Variants in TTLL9 observed in about 807,000 individuals in gnomAD.
The protein encoded by TTLL9 is probable tubulin polyglutamylase TTLL9.
TTLL9 carries 47 observed loss-of-function variants against 65.6 expected under a neutral mutation model. The ratio of observed to expected loss-of-function variants is 0.72; its 90% CI spans 0.57 to 0.91. The LOEUF is 0.91. Among genes scored for constraint, TTLL9 ranks in the 40% least tolerant of loss-of-function variants. The probability of loss-of-function intolerance (pLI) is 0.00; values close to 1 mark genes in which losing one functional copy is unlikely to be tolerated. For synonymous variants in TTLL9, 179 were observed against 204.8 expected (o/e 0.87, Z 1.07); for missense variants, 537 against 568.8 (o/e 0.94, Z 0.57).
At chr20:31,871,326 G>C in intron 2 of TTLL9, 131 bp downstream of exon 2, 1 of 889,556 alleles carries the variant, frequency 1.1e-6, no homozygotes, top group Non-Finnish European at 1.8e-6. Context: ...GTTCACCTCT[G>C]ACCTGCTAGA....
At chr20:31,920,056 C>T (rs1018050510) in intron 7 of TTLL9, 124 bp downstream of exon 7, 9 of 846,302 alleles carry the variant, frequency 1.1e-5, no homozygotes, top group African/African-American at 5.3e-5. Context: ...CAGGTCTGCC[C>T]ATTGGAGCAG....
intron 2 of TTLL9, among the ~76,000 whole-genome samples, chr20:31,884,837 C>A (rs1053100929): frequency 6.6e-6 from 1 of 152,244 alleles, no homozygotes; most frequent in Non-Finnish European, 1.5e-5. Context: ...TTAATTCCAT[C>A]TGCAATTTTA....
At chr20:31,884,068 A>G (rs1204871423) in intron 2 of TTLL9, 7 of 559,138 alleles carry the variant, frequency 1.3e-5, no homozygotes, top group Non-Finnish European at 2.3e-5. Flanking sequence ...ACAAACTACC[A>G]GAACTAATCA....
chr20:31,880,872 TGAGACA>T, intron 2 of TTLL9, among the ~76,000 whole-genome samples: 1 of 149,252 alleles, frequency 6.7e-6, no homozygotes, highest in African/African-American at 2.5e-5. Context: ...TTTTTTTTTT[TGAGACA>T]AGGTCTTACT....
At position 31,943,550 on chromosome 20, in the gene TTLL9, T is replaced by C. The variant is rs2064258419; in HGVS notation, c.*529T>C. On this transcript the variant is annotated 3_prime_UTR_variant, in exon 15 of 15. Coordinates refer to ENST00000535842, the MANE Select transcript of TTLL9 (RefSeq NM_001008409.5). ...AGCAGTTATTAGATTGTGTGTTTAT[T>C]GGGGGCCTGGGGAAGTACTGAGCCC... 1 of 344,588 alleles carries C rather than the reference T, an allele frequency of 2.9e-6. No homozygotes were observed. Among genetic ancestry groups the C allele is most frequent in the African/African-American group, 2.1e-5 (1 of 46,604 alleles). The allele number at this position is 344,588 out of a possible 1,614,324, so 21.3% of individuals were successfully genotyped here. A position where few individuals can be genotyped will look rare whatever the true frequency, so the allele number is the denominator to read the frequency against.
At chr20:31,882,082 T>C (rs2063125788) in intron 2 of TTLL9, among the ~76,000 whole-genome samples, 1 of 152,212 alleles carries the variant, frequency 6.6e-6, no homozygotes. Flanking sequence ...GGAACGTTCA[T>C]GTCAGCCTTA....
chr20:31,887,846 A>G (rs1232146772), intron 3 of TTLL9, among the ~76,000 whole-genome samples: 3 of 49,658 alleles, frequency 6.0e-5, no homozygotes, highest in Admixed American at 1.9e-4. Context: ...TTCATTAGAT[A>G]TCTCCTCTCC....
At chr20:31,896,606 T>C (rs1415632104) in intron 3 of TTLL9, among the ~76,000 whole-genome samples, 1 of 152,088 alleles carries the variant, frequency 6.6e-6, no homozygotes, top group Non-Finnish European at 1.5e-5. Flanking sequence ...CTCGGCTCAC[T>C]GCAACCTCTG....
At chr20:31,939,079 C>T (rs544340327) in intron 13 of TTLL9, 63 bp from the exon 14 acceptor site, 37 of 1,488,950 alleles carry the variant, frequency 2.5e-5, no homozygotes, top group Non-Finnish European at 3.1e-5. Context: ...AGGGACCTCA[C>T]TTGGGTCTTA....
intron 12 of TTLL9, among the ~76,000 whole-genome samples, chr20:31,937,120 G>A (rs2064124310): frequency 6.9e-6 from 1 of 144,908 alleles, no homozygotes; most frequent in African/African-American, 2.6e-5. Context: ...AAAAAAAAGT[G>A]GGAGGGGCCT....
Position 31,881,602 on chromosome 20 carries a change from C to CTTT in TTLL9, c.70-5576_70-5574dup, listed in dbSNP as rs5841092. Among the ~76,000 whole-genome samples, 400 of 125,216 alleles carry CTTT rather than the reference C, an allele frequency of 3.2e-3. 11 individuals are homozygous for CTTT. Among genetic ancestry groups the CTTT allele is most frequent in the Middle Eastern group, 9.0e-3 (2 of 222 alleles). 82.1% of individuals were successfully genotyped at this position (125,216 alleles called of 152,430 possible). Reference sequence around the variant, plus strand: ...AATACACAGATTGGGACACATATAACTTTTTTTTTTTTTTTTTTTTGGAGA... The same window carrying CTTT: ...AATACACAGATTGGGACACATATAACTTTTTTTTTTTTTTTTTTTTTTTGGAGA... On this transcript the variant is annotated intron_variant, in intron 2 of 14. Transcript: ENST00000535842.
intron 10 of TTLL9, among the ~76,000 whole-genome samples, chr20:31,927,294 C>A (rs1050796564): frequency 6.6e-6 from 1 of 151,844 alleles, no homozygotes; most frequent in Non-Finnish European, 1.5e-5. Context: ...CCAGCCTGAC[C>A]AACATGGTGA....
At chr20:31,902,092 T>C (rs767281038) in intron 4 of TTLL9, among the ~76,000 whole-genome samples, 2 of 147,366 alleles carry the variant, frequency 1.4e-5, no homozygotes, top group Non-Finnish European at 3.0e-5. Context: ...ATTCACAAAG[T>C]TGTGTAATCA....
chr20:31,924,257 C>A (rs2063858111), intron 8 of TTLL9, among the ~76,000 whole-genome samples: 1 of 152,150 alleles, frequency 6.6e-6, no homozygotes, highest in Non-Finnish European at 1.5e-5. Context: ...AACGTGGCAG[C>A]CAGAGAGGAG....
intron 8 of TTLL9, among the ~76,000 whole-genome samples, chr20:31,924,647 C>T (rs2063867323): frequency 6.6e-6 from 1 of 151,918 alleles, no homozygotes. Context: ...TGCAGGGTCA[C>T]GATCATAGCT....
At position 31,898,462 on chromosome 20, in the gene TTLL9, T is replaced by C; in HGVS notation, c.114-11T>C. The C allele has an allele frequency of 6.2e-7, 1 of 1,613,476 alleles. No individual in the cohort carries two copies. Among genetic ancestry groups the C allele is most frequent in the South Asian group, 1.1e-5 (1 of 91,022 alleles). ...TGATCCTGAGCAAATGTTCATTGCCTTGTCTTGCAGAGAGCAGAGAGCATC... is the reference window on the plus strand; with the variant it reads ...TGATCCTGAGCAAATGTTCATTGCCCTGTCTTGCAGAGAGCAGAGAGCATC... On this transcript the variant is annotated splice_polypyrimidine_tract_variant and intron_variant, in intron 3 of 14. Transcript: ENST00000535842.
At chr20:31,931,587 T>C (rs1445054096) in intron 10 of TTLL9, among the ~76,000 whole-genome samples, 1 of 152,210 alleles carries the variant, frequency 6.6e-6, no homozygotes, top group Admixed American at 6.5e-5. Flanking sequence ...TACTTGCTAT[T>C]ATCTGTCTTT....
At chr20:31,906,335 T>C (rs533831807) in intron 4 of TTLL9, among the ~76,000 whole-genome samples, 1 of 152,324 alleles carries the variant, frequency 6.6e-6, no homozygotes, top group African/African-American at 2.4e-5. Flanking sequence ...TGGCAGTCGA[T>C]GCTAGCTGTC....
At chr20:31,922,373 C>T (rs1292450531) in intron 7 of TTLL9, among the ~76,000 whole-genome samples, 2 of 152,060 alleles carry the variant, frequency 1.3e-5, no homozygotes, top group African/African-American at 4.8e-5. Flanking sequence ...GTTGTGCAAC[C>T]ACCACCACCA....
Sources: gnomAD v4.1 joint callset for allele counts (sites outside exome capture counted in the v4.1 genomes callset) on GRCh38, gnomAD v4.1.1 for gene constraint, MANE v1.5 for transcripts, NCBI Gene and HGNC (gene_info 2026-07-23, HGNC 2026-07-21) for gene names.